The following MBP variants were observed in gnomAD, a reference collection of about 807,000 sequenced individuals.
MBP encodes the protein Golli-MBP.
MBP carries 16 observed loss-of-function variants against 35.8 expected under a neutral mutation model. The observed-to-expected ratio is 0.45, with a 90% CI of 0.30 to 0.68. The LOEUF (loss-of-function observed/expected upper bound fraction) is 0.68, where lower values mean the gene tolerates loss of function less well. Among genes scored for constraint, MBP ranks in the 30% least tolerant of loss-of-function variants. The pLI, the probability that MBP is intolerant of heterozygous loss-of-function variation, is 0.08. For synonymous variants in MBP, 143 were observed against 159.6 expected, an observed-to-expected ratio of 0.90 and a Z score of 0.78; for missense variants, 380 against 404.7, an observed-to-expected ratio of 0.94 and a Z score of 0.52.
intron 8 of MBP, chr18:76,982,955 A>G (rs1969294430): frequency 6.6e-6 from 1 of 152,382 alleles, no homozygotes; most frequent in East Asian, 1.9e-4. Flanking sequence ...TACTGAACTT[A>G]TTTCAGGAAA....
At position 76,984,820 on chromosome 18, in the gene MBP, G is replaced by A. The variant is rs762840053; in HGVS notation, c.825C>T (p.Phe275=). Residue 275 remains phenylalanine (F), a synonymous_variant, in exon 8 of 9, where the codon TTC becomes TTT. Transcript: ENST00000355994. The part of the protein sequence containing the change: ...ASDYKSAHKG[F]KGVDAQGTLS... ...GCGTGCCCTGGGCATCGACTCCCTT[G>A]AATCCCTTGTGAGCCGATTTATAGT... 1.2e-6 allele frequency: 2 copies of A among 1,614,112 alleles called. No individual in the cohort carries two copies. Among genetic ancestry groups the A allele is most frequent in the Admixed American group, 1.7e-5 (1 of 60,036 alleles).
intron 2 of MBP, among the ~76,000 whole-genome samples, chr18:77,096,160 C>A (rs1172920932): frequency 6.6e-6 from 1 of 152,242 alleles, no homozygotes; most frequent in South Asian, 2.1e-4. Context: ...AGTGACATTT[C>A]ACAGCTGGGC....
intron 1 of MBP, among the ~76,000 whole-genome samples, chr18:77,107,189 T>C (rs1036967258): frequency 6.6e-6 from 1 of 152,210 alleles, no homozygotes; most frequent in Non-Finnish European, 1.5e-5. Context: ...AAATAAGAGC[T>C]GGTCTATTCA....
intron 3 of MBP, among the ~76,000 whole-genome samples, chr18:77,032,191 G>A (rs1285199165): frequency 1.3e-5 from 2 of 152,218 alleles, no homozygotes; most frequent in South Asian, 2.1e-4. Context: ...CAAAGAGGAC[G>A]CTCCTTGTTT....
At position 77,014,088 on chromosome 18, in the gene MBP, T is replaced by C. The variant is rs79386122; in HGVS notation, c.576+2744A>G. The stretch of plus-strand genomic sequence containing the variant: ...TGTTCCTTAAAGGCAACAACAGTCC[T>C]TTCTTTCCTCTCACAACAAAGGAGC... On this transcript the variant is annotated intron_variant, in intron 4 of 8. Transcript: ENST00000355994. 3.2e-4 allele frequency: 318 copies of C among 985,460 alleles called. 1 individual carries two copies. In the African/African-American group the frequency reaches 5.2e-3, roughly 16 times the overall value. 61.0% of individuals were successfully genotyped at this position (985,460 alleles called of 1,614,324 possible).
intron 1 of MBP, among the ~76,000 whole-genome samples, chr18:77,117,658 G>A (rs35305608): frequency 0.28 from 42,182 of 150,362 alleles, 6,314 homozygotes; most frequent in South Asian, 0.38. Flanking sequence ...CTGTGGATGG[G>A]TTATTTCCTA....
intron 4 of MBP, among the ~76,000 whole-genome samples, chr18:76,992,288 G>A (rs953231548): frequency 1.1e-4 from 16 of 152,282 alleles, no homozygotes; most frequent in African/African-American, 3.8e-4. Context: ...CATAAGGAGT[G>A]CACAACCTCG....
intron 3 of MBP, among the ~76,000 whole-genome samples, chr18:77,053,104 T>C (rs539499040): frequency 6.6e-6 from 1 of 152,192 alleles, no homozygotes; most frequent in Non-Finnish European, 1.5e-5. Flanking sequence ...AGCGTGGCTG[T>C]CCCAGAAGCA....
At chr18:77,100,628 G>A (rs756018113) in intron 2 of MBP, among the ~76,000 whole-genome samples, 8 of 151,584 alleles carry the variant, frequency 5.3e-5, no homozygotes, top group Non-Finnish European at 8.8e-5. Context: ...ATGGCTCACC[G>A]TAGCCTCGAC....
chr18:76,990,460 C>A (rs2065082772), intron 4 of MBP, among the ~76,000 whole-genome samples: 1 of 152,042 alleles, frequency 6.6e-6, no homozygotes, highest in South Asian at 2.1e-4. Flanking sequence ...CCAAGATGAT[C>A]CTATATCACT....
At chr18:77,068,927 A>C (rs1599178619) in intron 2 of MBP, 35 of 457,812 alleles carry the variant, frequency 7.6e-5, no homozygotes, top group South Asian at 5.3e-4. Context: ...AGCAGCCGCC[A>C]CCACGGAGCT....
chr18:77,079,876 TA>T (rs1254373682), intron 2 of MBP, among the ~76,000 whole-genome samples: 1 of 152,154 alleles, frequency 6.6e-6, no homozygotes, highest in Non-Finnish European at 1.5e-5. Context: ...AATCTCAGAA[TA>T]GGGGAGGAGA....
chr18:77,127,262 A>G (rs1213512023), intron 1 of MBP: 2 of 152,242 alleles, frequency 1.3e-5, no homozygotes, highest in African/African-American at 2.4e-5. Context: ...GCAAAGGTGC[A>G]AAAGCAATTT....
intron 1 of MBP, among the ~76,000 whole-genome samples, chr18:77,125,368 CT>C (rs1977015025): frequency 6.6e-6 from 1 of 152,132 alleles, no homozygotes; most frequent in Non-Finnish European, 1.5e-5. Flanking sequence ...TACAAGACAA[CT>C]GGCTTATCCT....
At chr18:77,017,608 T>C in intron 3 of MBP, 1 of 226,616 alleles carries the variant, frequency 4.4e-6, no homozygotes, top group Non-Finnish European at 8.5e-6. Context: ...AGAGCCCAGA[T>C]GTGCAGGCAC....
At chr18:77,100,786 C>A (rs1298760111) in intron 2 of MBP, among the ~76,000 whole-genome samples, 1 of 152,058 alleles carries the variant, frequency 6.6e-6, no homozygotes, top group Admixed American at 6.5e-5. Context: ...CTCCTAGGCT[C>A]AAGCAATCTG....
At chr18:77,091,273 T>G (rs1327499977) in intron 2 of MBP, among the ~76,000 whole-genome samples, 1 of 152,164 alleles carries the variant, frequency 6.6e-6, no homozygotes, top group Admixed American at 6.5e-5. Flanking sequence ...TTGTATTTGG[T>G]TATATATGAA....
chr18:77,108,009 G>A (rs999256669), intron 1 of MBP, among the ~76,000 whole-genome samples: 3 of 152,224 alleles, frequency 2.0e-5, no homozygotes, highest in Non-Finnish European at 2.9e-5. Context: ...CATCAGAGCC[G>A]TTAGTGGAAA....
chr18:77,004,953 G>C (rs1011325395), intron 4 of MBP: 5 of 152,232 alleles, frequency 3.3e-5, no homozygotes, highest in Admixed American at 2.6e-4. Context: ...GGGGGCCTTT[G>C]CCTCTGTCCG....
Sources: gnomAD v4.1 joint callset for allele counts (sites outside exome capture counted in the v4.1 genomes callset) on GRCh38, gnomAD v4.1.1 for gene constraint, MANE v1.5 for transcripts, NCBI Gene and HGNC (gene_info 2026-07-23, HGNC 2026-07-21) for gene names.